ZNF112: variants seen among roughly 807,000 people sequenced by gnomAD.
ZNF112 encodes zinc finger protein 112.
In ZNF112, 37 loss-of-function variants were observed where a neutral mutation model predicts 77.7. The ratio of observed to expected loss-of-function variants is 0.48; its 90% CI spans 0.37 to 0.63. ZNF112 has a LOEUF of 0.63. Ranked by LOEUF, ZNF112 falls within the 20% of genes least tolerant of loss-of-function variation. ZNF112 has a pLI of 0.00. For missense variants in ZNF112, 950 were observed against 1,077.4 expected (o/e 0.88, Z 1.66); for synonymous variants, 333 against 363.6 (o/e 0.92, Z 0.96).
At chr19:44,346,203 G>A (rs1344617796) in intron 1 of ZNF112, among the ~76,000 whole-genome samples, 1 of 152,202 alleles carries the variant, frequency 6.6e-6, no homozygotes, top group African/African-American at 2.4e-5. Context: ...GAATCAAGCT[G>A]CCAAGCTTCA....
intron 1 of ZNF112, among the ~76,000 whole-genome samples, chr19:44,351,220 G>A (rs1181615743): frequency 6.6e-6 from 1 of 150,948 alleles, no homozygotes; most frequent in Non-Finnish European, 1.5e-5. Flanking sequence ...AATTACACTG[G>A]GCCCAACCAG....
At chr19:44,345,621 T>G (rs1295722104) in intron 1 of ZNF112, among the ~76,000 whole-genome samples, 2 of 152,246 alleles carry the variant, frequency 1.3e-5, no homozygotes, top group Non-Finnish European at 2.9e-5. Context: ...TTCTTCATGT[T>G]TGATAGAATT....
At chr19:44,351,952 G>A (rs1479800039) in intron 1 of ZNF112, among the ~76,000 whole-genome samples, 3 of 152,020 alleles carry the variant, frequency 2.0e-5, no homozygotes, top group Admixed American at 6.6e-5. Flanking sequence ...ATACTGATGT[G>A]AGAAATCAAA....
chr19:44,331,790 T>C (rs754285350), intron 3 of ZNF112, among the ~76,000 whole-genome samples: 9 of 152,140 alleles, frequency 5.9e-5, no homozygotes, highest in African/African-American at 1.2e-4. Context: ...TAAAAGAGCA[T>C]GTAATGTAGC....
At chr19:44,365,299 C>G (rs1184787553) in intron 1 of ZNF112, among the ~76,000 whole-genome samples, 2 of 151,922 alleles carry the variant, frequency 1.3e-5, no homozygotes, top group African/African-American at 2.4e-5. Context: ...ACAAAAGATA[C>G]AAAAAATTAG....
At chr19:44,344,349 T>C (rs1447232291) in intron 1 of ZNF112, among the ~76,000 whole-genome samples, 1 of 151,964 alleles carries the variant, frequency 6.6e-6, no homozygotes, top group Admixed American at 6.6e-5. Context: ...TCAGGCAACA[T>C]TAAGGCTATC....
intron 1 of ZNF112, among the ~76,000 whole-genome samples, chr19:44,347,768 T>C (rs1222997218): frequency 6.6e-6 from 1 of 152,104 alleles, no homozygotes; most frequent in African/African-American, 2.4e-5. Context: ...TAAACAGTCA[T>C]GCATATTTTA....
At position 44,363,390 on chromosome 19, in the gene ZNF112, T is replaced by C. The variant is rs1026679872; in HGVS notation, c.17+3691A>G. ...CTTAGCCATCTATCTAGCTATCTTA[T>C]TACTTATCCATCAGAACATTAACAT... On this transcript the variant is annotated intron_variant, in intron 1 of 4. Coordinates refer to the ZNF112 transcript ENST00000588057. Among the ~76,000 whole-genome samples, 7 of 152,204 alleles carry C rather than the reference T, an allele frequency of 4.6e-5. 1 individual carries two copies. Among genetic ancestry groups the C allele is most frequent in the South Asian group, 2.1e-4 (1 of 4,832 alleles).
At chr19:44,344,224 C>T (rs776269350) in intron 1 of ZNF112, among the ~76,000 whole-genome samples, 2 of 152,130 alleles carry the variant, frequency 1.3e-5, no homozygotes, top group Non-Finnish European at 2.9e-5. Flanking sequence ...TGTGGGGCTG[C>T]GTGTGCTCCT....
At chr19:44,353,658 C>T (rs1016180149) in intron 1 of ZNF112, among the ~76,000 whole-genome samples, 1 of 151,990 alleles carries the variant, frequency 6.6e-6, no homozygotes, top group Non-Finnish European at 1.5e-5. Flanking sequence ...ATCTGCTGAA[C>T]ACCATTAGCC....
chr19:44,366,654 C>T (rs1970907740), intron 1 of ZNF112, among the ~76,000 whole-genome samples: 1 of 151,894 alleles, frequency 6.6e-6, no homozygotes, highest in African/African-American at 2.4e-5. Context: ...TCCCCCCACC[C>T]CCACTTTTTT....
chr19:44,331,482 A>G (rs1970269836), intron 3 of ZNF112, among the ~76,000 whole-genome samples: 1 of 152,228 alleles, frequency 6.6e-6, no homozygotes, highest in Non-Finnish European at 1.5e-5. Context: ...CCCTAAGGAC[A>G]ACTGGTTAAA....
At chr19:44,356,372 G>T (rs1040601677) in intron 1 of ZNF112, among the ~76,000 whole-genome samples, 8 of 152,184 alleles carry the variant, frequency 5.3e-5, no homozygotes, top group African/African-American at 1.9e-4. Flanking sequence ...ATGGTCAGGG[G>T]AAAGGGCTGG....
intron 3 of ZNF112, among the ~76,000 whole-genome samples, chr19:44,335,553 C>T (rs891776489): frequency 6.6e-6 from 1 of 152,190 alleles, no homozygotes; most frequent in African/African-American, 2.4e-5. Context: ...GGAAGGTAGA[C>T]TGGCACAGCA....
intron 1 of ZNF112, chr19:44,343,200 A>T: frequency 6.2e-7 from 1 of 1,601,724 alleles, no homozygotes; most frequent in Non-Finnish European, 8.5e-7. Flanking sequence ...AGATATGTCC[A>T]CTCACTGCAA....
intron 2 of ZNF112, among the ~76,000 whole-genome samples, chr19:44,339,861 G>A (rs1695111673): frequency 6.6e-6 from 1 of 151,944 alleles, no homozygotes. Context: ...GAGAAAAACG[G>A]CCATGGTATA....
chr19:44,327,242 G>A lies in ZNF112; in HGVS notation c.*191C>T. The A allele has an allele frequency of 1.8e-6, 1 of 553,914 alleles. No homozygotes were observed. Among genetic ancestry groups the A allele is most frequent in the Admixed American group, 3.3e-5 (1 of 30,692 alleles). The allele number at this position is 553,914 out of a possible 1,614,324, so 34.3% of individuals were successfully genotyped here. A position where few individuals can be genotyped will look rare whatever the true frequency, so the allele number is the denominator to read the frequency against. ...ATATTTTATAAGCCTTAGCTCCTGT[G>A]CAATGACTGATGTTAAAGTTCTAAC... On this transcript the variant is annotated 3_prime_UTR_variant, in exon 4 of 4. Coordinates refer to ENST00000354340, the MANE Select transcript of ZNF112 (RefSeq NM_013380.4).
intron 1 of ZNF112, among the ~76,000 whole-genome samples, chr19:44,340,756 T>C (rs1330490157): frequency 6.6e-6 from 1 of 152,202 alleles, no homozygotes; most frequent in Non-Finnish European, 1.5e-5. Flanking sequence ...TGTTAGCACT[T>C]ATAAGTAAGC....
At chr19:44,345,430 C>T (rs762532876) in intron 1 of ZNF112, among the ~76,000 whole-genome samples, 17 of 152,192 alleles carry the variant, frequency 1.1e-4, no homozygotes, top group African/African-American at 3.9e-4. Flanking sequence ...CAGTAACATG[C>T]GCTGTGGGTG....
Sources: allele counts gnomAD v4.1 joint callset (sites outside exome capture counted in the v4.1 genomes callset), GRCh38; gene constraint gnomAD v4.1.1; transcripts MANE v1.5; gene names NCBI Gene and HGNC (gene_info 2026-07-23, HGNC 2026-07-21).